Variants in RBBP8 observed in about 807,000 individuals in gnomAD.
RBBP8 encodes DNA endonuclease RBBP8.
RBBP8 carries 88 observed loss-of-function variants against 108.3 expected under a neutral mutation model. The ratio of observed to expected loss-of-function variants is 0.81; its 90% CI spans 0.68 to 0.97. The LOEUF (loss-of-function observed/expected upper bound fraction) is 0.97, where lower values mean the gene tolerates loss of function less well. Among genes scored for constraint, RBBP8 ranks in the 50% least tolerant of loss-of-function variants. The pLI, the probability that RBBP8 is intolerant of heterozygous loss-of-function variation, is 0.00. For missense variants in RBBP8, 1,023 were observed against 1,049.0 expected (o/e 0.98, Z 0.34); for synonymous variants, 332 against 348.2 (o/e 0.95, Z 0.52).
At chr18:22,992,307 T>G (rs914157288) in intron 10 of RBBP8, among the ~76,000 whole-genome samples, 17 of 152,248 alleles carry the variant, frequency 1.1e-4, no homozygotes, top group African/African-American at 3.9e-4. Context: ...GTGATTCTCG[T>G]GCCTTAGCCA....
At position 22,959,937 on chromosome 18, in the gene RBBP8, G is replaced by A. The variant is rs550953696; in HGVS notation, c.249-8869G>A. 6.7e-5 allele frequency among the ~76,000 whole-genome samples: 9 copies of A among 133,392 alleles called. No homozygotes were observed. The South Asian group carries it at 1.7e-3, about 25-fold the overall frequency. 87.5% of individuals were successfully genotyped at this position (133,392 alleles called of 152,430 possible). A position where few individuals can be genotyped will look rare whatever the true frequency, so the allele number is the denominator to read the frequency against. ...GACAGAGTCTCGCTCTGTCACACACGCTGGAGTACAGTGGTGCAATCTCAG... is the reference window on the plus strand; with the variant it reads ...GACAGAGTCTCGCTCTGTCACACACACTGGAGTACAGTGGTGCAATCTCAG... On this transcript the variant is annotated intron_variant, in intron 4 of 18. Transcript: ENST00000327155.
intron 6 of RBBP8, among the ~76,000 whole-genome samples, chr18:22,976,401 A>G (rs1286691717): frequency 1.3e-5 from 2 of 152,238 alleles, no homozygotes; most frequent in East Asian, 1.9e-4. Flanking sequence ...CAGATCCACA[A>G]TCTGTTACAT....
At chr18:22,963,602 T>A (rs914404038) in intron 4 of RBBP8, among the ~76,000 whole-genome samples, 12 of 152,348 alleles carry the variant, frequency 7.9e-5, no homozygotes, top group African/African-American at 2.6e-4. Context: ...CCTCTTTACC[T>A]GCTACGTAGT....
chr18:22,982,157 A>G (rs1914971621), intron 6 of RBBP8, 61 bp from the exon 7 acceptor site: 2 of 1,521,448 alleles, frequency 1.3e-6, no homozygotes, highest in South Asian at 1.2e-5. Flanking sequence ...ACTCCATGCC[A>G]TGTAGTAAAT....
chr18:22,985,456 C>T (rs1015843628), intron 8 of RBBP8, among the ~76,000 whole-genome samples: 1 of 152,072 alleles, frequency 6.6e-6, no homozygotes, highest in African/African-American at 2.4e-5. Flanking sequence ...AAGTGAGTCA[C>T]GTGGCTATCT....
intron 6 of RBBP8, among the ~76,000 whole-genome samples, chr18:22,980,405 T>C (rs1342261702): frequency 6.6e-6 from 1 of 151,992 alleles, no homozygotes; most frequent in Non-Finnish European, 1.5e-5. Flanking sequence ...CCAGCAGACT[T>C]GAAGGAGATT....
intron 1 of RBBP8, among the ~76,000 whole-genome samples, chr18:22,914,779 A>G (rs1224881330): frequency 6.6e-6 from 1 of 152,186 alleles, no homozygotes; most frequent in East Asian, 1.9e-4. Flanking sequence ...AACAATTCAC[A>G]GTAAAAATTG....
intron 7 of RBBP8, among the ~76,000 whole-genome samples, 180 bp downstream of exon 7, chr18:22,982,573 G>GTATAGATACGTGTCATC (rs1161863521): frequency 6.6e-6 from 1 of 152,064 alleles, no homozygotes; most frequent in Non-Finnish European, 1.5e-5. Flanking sequence ...CCCGTGTTAT[G>GTATAGATACGTGTCATC]TATAGATACG....
chr18:22,985,655 G>A (rs1266290679), intron 8 of RBBP8, among the ~76,000 whole-genome samples: 23 of 152,216 alleles, frequency 1.5e-4, no homozygotes, highest in Admixed American at 1.5e-3. Context: ...GGAGCCGCAG[G>A]TGTATAGGTT....
At chr18:22,935,444 A>T (rs1910482459) in intron 1 of RBBP8, among the ~76,000 whole-genome samples, 1 of 151,724 alleles carries the variant, frequency 6.6e-6, no homozygotes, top group Non-Finnish European at 1.5e-5. Context: ...ATAATTTCCT[A>T]ATATCTAAAA....
rs116507507 is a variant in RBBP8, at chr18:22,946,738, A to G, written c.152+252A>G. Among the ~76,000 whole-genome samples, 255 of 152,220 alleles carry G rather than the reference A, an allele frequency of 1.7e-3. 1 individual carries two copies. The highest frequency in any genetic ancestry group is 6.0e-3 in the African/African-American group (248 of 41,560). On this transcript the variant is annotated intron_variant, in intron 3 of 18. Transcript: ENST00000327155. Reference sequence around the variant, plus strand: ...TTATGTATGTTTATATTGTAATACAACTTACATATGTAATCTTTTCCCATA... The same window carrying G: ...TTATGTATGTTTATATTGTAATACAGCTTACATATGTAATCTTTTCCCATA...
At chr18:22,918,369 G>A (rs1301148560) in intron 3 of RBBP8, among the ~76,000 whole-genome samples, 1 of 152,088 alleles carries the variant, frequency 6.6e-6, no homozygotes, top group Non-Finnish European at 1.5e-5. Flanking sequence ...TAGACTATAT[G>A]GTATGTCTTA....
At chr18:22,998,215 T>C (rs2045892336) in intron 14 of RBBP8, among the ~76,000 whole-genome samples, 2 of 152,198 alleles carry the variant, frequency 1.3e-5, no homozygotes, top group Admixed American at 1.3e-4. Flanking sequence ...TGTGTTAGAA[T>C]TAACGTTTTC....
rs1915830526 is a variant in RBBP8, at chr18:22,993,299, T to C, written c.1472T>C (p.Leu491Pro). 2 of 1,614,250 alleles carry C rather than the reference T, an allele frequency of 1.2e-6. No individual in the cohort carries two copies. The highest frequency in any genetic ancestry group is 4.5e-5 in the East Asian group (2 of 44,892). The change falls in exon 11 of 19, where the codon CTG becomes CCG. Residue 491 changes from leucine (L) to proline (P), a missense_variant. Physicochemically the swap from Leu to Pro is moderately conservative, Grantham distance 98. Coordinates refer to ENST00000327155, the MANE Select transcript of RBBP8 (RefSeq NM_002894.3). The part of the protein sequence containing the change: ...MNGDCVMDKP[L>P]DLSDRFSAIQ... ...GGAGACTGTGTGATGGATAAACCTC[T>C]GGATCTGTCTGATCGATTTTCAGCT...
At chr18:22,956,456 C>T (rs1055945765) in intron 4 of RBBP8, among the ~76,000 whole-genome samples, 3 of 152,082 alleles carry the variant, frequency 2.0e-5, no homozygotes, top group Non-Finnish European at 2.9e-5. Flanking sequence ...CACATCAGCC[C>T]CCCCAGGTAG....
At chr18:22,971,857 G>A (rs538523410) in intron 5 of RBBP8, among the ~76,000 whole-genome samples, 1 of 151,004 alleles carries the variant, frequency 6.6e-6, no homozygotes, top group East Asian at 2.0e-4. Context: ...ATGTTGGCCA[G>A]GCTGGTCTTG....
intron 2 of RBBP8, among the ~76,000 whole-genome samples, chr18:22,916,220 CT>C (rs1381711831): frequency 6.6e-6 from 1 of 151,768 alleles, no homozygotes; most frequent in African/African-American, 2.4e-5. Context: ...TCGCATAACT[CT>C]TTCTGTCAAC....
At chr18:22,995,750 G>A (rs1260039287) in intron 12 of RBBP8, among the ~76,000 whole-genome samples, 1 of 151,868 alleles carries the variant, frequency 6.6e-6, no homozygotes, top group African/African-American at 2.4e-5. Context: ...TCTTTTTATT[G>A]GATAATTTTT....
chr18:23,018,170 C>T (rs2046293590), intron 17 of RBBP8, among the ~76,000 whole-genome samples: 1 of 151,884 alleles, frequency 6.6e-6, no homozygotes, highest in African/African-American at 2.4e-5. Context: ...TCCTGCCTCT[C>T]CCTCTGCCTC....
Sources: allele counts gnomAD v4.1 joint callset (sites outside exome capture counted in the v4.1 genomes callset), GRCh38; gene constraint gnomAD v4.1.1; transcripts MANE v1.5; gene names NCBI Gene and HGNC (gene_info 2026-07-23, HGNC 2026-07-21).